The following ARHGEF16 variants were observed in gnomAD, a reference collection of about 807,000 sequenced individuals.
ARHGEF16 encodes the protein Rho guanine nucleotide exchange factor 16, also known as Rho guanine exchange factor (GEF) 16.
In ARHGEF16, 59 loss-of-function variants were observed where a neutral mutation model predicts 74.1. That is an observed-to-expected ratio of 0.80 (90% CI 0.65 to 0.99). The LOEUF is 0.99. Among genes scored for constraint, ARHGEF16 ranks in the 50% least tolerant of loss-of-function variants. ARHGEF16 has a pLI of 0.00. For missense variants in ARHGEF16, 948 were observed against 986.6 expected (o/e 0.96, Z 0.52); for synonymous variants, 415 against 412.6 (o/e 1.01, Z -0.07).
intron 8 of ARHGEF16, chr1:3,474,134 C>T (rs1639817636): frequency 1.1e-5 from 2 of 190,112 alleles, no homozygotes; most frequent in Non-Finnish European, 1.1e-5. Flanking sequence ...TGCATTGCAC[C>T]GATGCATGCA....
intron 10 of ARHGEF16, among the ~76,000 whole-genome samples, chr1:3,477,302 C>T (rs1253626689): frequency 9.3e-5 from 14 of 150,492 alleles, no homozygotes; most frequent in African/African-American, 3.2e-4. Context: ...CACCCATCCC[C>T]GTCACCCCCA....
intron 7 of ARHGEF16, 60 bp from the exon 8 acceptor site, chr1:3,473,333 C>T: frequency 6.3e-7 from 1 of 1,579,216 alleles, no homozygotes; most frequent in South Asian, 1.2e-5. Flanking sequence ...GCAGGTCCTG[C>T]CTGATTTTGG....
intron 10 of ARHGEF16, among the ~76,000 whole-genome samples, chr1:3,477,662 G>GT (rs397972153): frequency 2.0e-5 from 3 of 151,300 alleles, no homozygotes; most frequent in African/African-American, 7.3e-5. Flanking sequence ...GTCTGGTCCG[G>GT]CCTGGCGCAC....
rs548607229 is a variant in ARHGEF16, at chr1:3,480,029, C to T, written c.1990+116C>T. The T allele has an allele frequency of 5.6e-5, 57 of 1,017,390 alleles. 1 individual carries two copies. In the South Asian group the frequency reaches 7.4e-4, roughly 13 times the overall value. The allele number at this position is 1,017,390 out of a possible 1,614,324, so 63.0% of individuals were successfully genotyped here. ...GCTGCAGGCTGACCATGTGCTCACC[C>T]TCTCTCGAGGGCTTCCTCAAAGGGA... On this transcript the variant is annotated intron_variant, in intron 14 of 14. Coordinates refer to ENST00000378378, the MANE Select transcript of ARHGEF16 (RefSeq NM_014448.4).
intron 10 of ARHGEF16, 36 bp from the exon 11 acceptor site, chr1:3,477,839 C>T (rs777483713): frequency 9.3e-6 from 15 of 1,608,648 alleles, no homozygotes; most frequent in African/African-American, 2.7e-5. Flanking sequence ...CCCAGTCCCT[C>T]GCACTGATCT....
chr1:3,463,523 C>T lies in ARHGEF16; in HGVS notation c.439C>T (p.Arg147Trp), dbSNP rs745895895. 44 of 1,472,272 alleles carry T rather than the reference C, an allele frequency of 3.0e-5. No individual in the cohort carries two copies. Among genetic ancestry groups the T allele is most frequent in the Admixed American group, 5.2e-5 (2 of 38,816 alleles). The allele number at this position is 1,472,272 out of a possible 1,614,324, so 91.2% of individuals were successfully genotyped here. ...CAAGGACCCCGGGGGCATGCTGAGG[C>T]GGAACCTGCGGAACCAATCCTACCG... ...VDKDPGGMLR[R>W]NLRNQSYRAA... Residue 147 changes from arginine (R) to tryptophan (W), a missense_variant, in exon 2 of 15, where the codon CGG becomes TGG. Coordinates refer to ENST00000378378, the MANE Select transcript of ARHGEF16 (RefSeq NM_014448.4).
Position 3,480,713 on chromosome 1 carries a change from C to A in ARHGEF16, c.*126C>A. On this transcript the variant is annotated 3_prime_UTR_variant, in exon 15 of 15. Transcript: ENST00000378378. ...ATGGTTCCCTGGGGCTTCCCAAGAGCCTGTGGCTGTGGTGCCGGGCTCCAG... is the reference window on the plus strand; with the variant it reads ...ATGGTTCCCTGGGGCTTCCCAAGAGACTGTGGCTGTGGTGCCGGGCTCCAG... The A allele has an allele frequency of 4.6e-6, 6 of 1,311,494 alleles. No homozygotes were observed. In the South Asian group the frequency reaches 8.9e-5, roughly 19 times the overall value. The allele number at this position is 1,311,494 out of a possible 1,614,324, so 81.2% of individuals were successfully genotyped here. A position where few individuals can be genotyped will look rare whatever the true frequency, so the allele number is the denominator to read the frequency against.
chr1:3,477,828 C>G, intron 10 of ARHGEF16, 47 bp from the exon 11 acceptor site: 1 of 1,599,488 alleles, frequency 6.3e-7, no homozygotes, highest in Non-Finnish European at 8.5e-7. Flanking sequence ...GCTCTGTCCC[C>G]CCCAGTCCCT....
In ARHGEF16 at chr1:3,477,928, C is replaced by G; in HGVS notation, c.1527C>G (p.Phe509Leu). Residue 509 changes from phenylalanine to leucine, a missense_variant, in exon 11 of 15, where the codon TTC becomes TTG. Coordinates refer to ENST00000378378, the MANE Select transcript of ARHGEF16 (RefSeq NM_014448.4). ...SRWLLKRGEL[F>L]LVEETGLFRK... ...GGCTGCTGAAGCGCGGAGAGCTGTT[C>G]TTAGTGGAAGAAACCGGACTTTTTC... The G allele has an allele frequency of 6.2e-7, 1 of 1,612,680 alleles. No homozygotes were observed. The highest frequency in any genetic ancestry group is 1.7e-4 in the Middle Eastern group (1 of 6,060).
chr1:3,479,752 G>A, intron 13 of ARHGEF16, 60 bp from the exon 14 acceptor site: 1 of 1,582,054 alleles, frequency 6.3e-7, no homozygotes, highest in African/African-American at 1.3e-5. Flanking sequence ...GGAGGCCGTT[G>A]GGGAGTGGAG....
chr1:3,471,633 G>C lies in ARHGEF16; in HGVS notation c.1023-1445G>C, dbSNP rs922332761. 6.7e-6 allele frequency: 8 copies of C among 1,185,980 alleles called. No individual in the cohort carries two copies. The East Asian group carries it at 2.7e-4, about 41-fold the overall frequency. The allele number at this position is 1,185,980 out of a possible 1,614,324, so 73.5% of individuals were successfully genotyped here. On this transcript the variant is annotated intron_variant, in intron 6 of 14. Transcript: ENST00000378378. ...GTGTTCTCTGAGCTCTGTGTCCTCC[G>C]GTCCCCTCTGCCTCAGGCAGCTGCA...
chr1:3,472,725 A>C, intron 6 of ARHGEF16: 18 of 188,086 alleles, frequency 9.6e-5, no homozygotes, highest in East Asian at 1.4e-4. Context: ...GGCGAAGGGC[A>C]CCAACTGGAC....
intron 6 of ARHGEF16, among the ~76,000 whole-genome samples, chr1:3,471,188 A>G (rs1569862717): frequency 1.3e-5 from 2 of 151,892 alleles, no homozygotes; most frequent in South Asian, 4.2e-4. Flanking sequence ...TGCTCCCTAT[A>G]TGCAGGAGGA....
intron 9 of ARHGEF16, 150 bp downstream of exon 9, chr1:3,474,932 A>G (rs966635346): frequency 4.8e-6 from 3 of 630,250 alleles, no homozygotes; most frequent in African/African-American, 3.7e-5. Context: ...AGCCTTTCAC[A>G]GCGCTGACAG....
chr1:3,466,260 T>A, intron 3 of ARHGEF16, 67 bp downstream of exon 3: 1 of 1,481,916 alleles, frequency 6.7e-7, no homozygotes, highest in Non-Finnish European at 9.0e-7. Context: ...TGGGGCACCC[T>A]GGGGTTCGGG....
intron 5 of ARHGEF16, 73 bp downstream of exon 5, chr1:3,469,009 C>T (rs1639629596): frequency 6.6e-7 from 1 of 1,516,394 alleles, no homozygotes; most frequent in Non-Finnish European, 8.9e-7. Context: ...GGGCAGCAGC[C>T]ACGGTGGCAC....
At chr1:3,467,908 G>A (rs926452639) in intron 4 of ARHGEF16, among the ~76,000 whole-genome samples, 5 of 152,092 alleles carry the variant, frequency 3.3e-5, no homozygotes, top group Admixed American at 6.5e-5. Context: ...TGGGCGTGGC[G>A]GGCAGCGGGG....
rs549878034 is a variant in ARHGEF16 at position 3,476,347 on chromosome 1, G to A, written c.1473+285G>A. On this transcript the variant is annotated intron_variant, in intron 10 of 14. Coordinates refer to ENST00000378378, the MANE Select transcript of ARHGEF16 (RefSeq NM_014448.4). The stretch of plus-strand genomic sequence containing the variant: ...CTGCACCGGCAAAGGGTAGACCCTA[G>A]GCCCTGAGTGACCAAGCCCAGGGGG... Among the ~76,000 whole-genome samples the A allele has an allele frequency of 1.3e-4, 20 of 152,296 alleles. No individual in the cohort carries two copies. In the East Asian group the frequency reaches 3.7e-3, roughly 28 times the overall value.
At chr1:3,466,841 G>A (rs1639560566) in intron 3 of ARHGEF16, 1 of 255,784 alleles carries the variant, frequency 3.9e-6, no homozygotes, top group Non-Finnish European at 7.4e-6. Context: ...CCCAGGAGGG[G>A]GTACCCAGGT....
Sources: allele counts gnomAD v4.1 joint callset (sites outside exome capture counted in the v4.1 genomes callset), GRCh38; gene constraint gnomAD v4.1.1; transcripts MANE v1.5; gene names NCBI Gene and HGNC (gene_info 2026-07-23, HGNC 2026-07-21).